The following SYTL5 variants were observed in gnomAD, a reference collection of about 807,000 sequenced individuals.
SYTL5 encodes synaptotagmin like 5.
SYTL5 carries 34 observed loss-of-function variants against 55.9 expected under a neutral mutation model. The ratio of observed to expected loss-of-function variants is 0.61; its 90% CI spans 0.46 to 0.81. The LOEUF is 0.81. SYTL5 is among the 30% of genes least tolerant of loss of function. SYTL5 has a pLI of 0.00. For missense variants in SYTL5, 637 were observed against 546.7 expected (o/e 1.17, Z -1.65); for synonymous variants, 221 against 188.7 (o/e 1.17, Z -1.40).
chrX:38,114,968 G>A (rs1288253859), intron 13 of SYTL5, among the ~76,000 whole-genome samples: 1 of 111,540 alleles, frequency 9.0e-6, no homozygotes, highest in African/African-American at 3.3e-5. Context: ...ATCTTTCTGT[G>A]CCTGGCTTAT....
chrX:37,968,517 A>G, the SYTL5 span, among the ~76,000 whole-genome samples: 1 of 111,696 alleles, frequency 9.0e-6, no homozygotes, highest in Non-Finnish European at 1.9e-5. Context: ...AGGGGCACCC[A>G]TGTAAAAAGG....
At chrX:38,014,968 G>GCCT (rs1185466668) in intron 1 of SYTL5, among the ~76,000 whole-genome samples, 3 of 111,990 alleles carry the variant, frequency 2.7e-5, no homozygotes, top group Non-Finnish European at 5.6e-5. Context: ...TGGGAGGCAG[G>GCCT]TTTGCCCAAT....
At chrX:37,989,551 A>G in the SYTL5 span, among the ~76,000 whole-genome samples, 1 of 111,882 alleles carries the variant, frequency 8.9e-6, no homozygotes. Context: ...CATCAAAGGG[A>G]GGAGTCTCAA....
intron 13 of SYTL5, among the ~76,000 whole-genome samples, chrX:38,112,202 A>C (rs1030096864): frequency 4.5e-5 from 5 of 111,736 alleles, no homozygotes; most frequent in African/African-American, 6.5e-5. Flanking sequence ...TCTCTTTAGA[A>C]GACTTCCCTC....
chrX:37,991,425 T>C, the SYTL5 span: 6 of 532,724 alleles, frequency 1.1e-5, no homozygotes, highest in Non-Finnish European at 1.7e-5. Flanking sequence ...GTGGCCAGTG[T>C]GGTGTTTGAA....
chrX:38,073,058 C>G (rs1936306451), intron 4 of SYTL5, among the ~76,000 whole-genome samples: 1 of 111,456 alleles, frequency 9.0e-6, no homozygotes, highest in Non-Finnish European at 1.9e-5. Context: ...CACACAGATC[C>G]GATACTACAG....
At chrX:38,120,780 G>T (rs933446203) in intron 14 of SYTL5, among the ~76,000 whole-genome samples, 1 of 110,450 alleles carries the variant, frequency 9.1e-6, no homozygotes, top group African/African-American at 3.3e-5. Context: ...GCAAGTATAG[G>T]AAACTGCTCC....
At chrX:37,965,884 GACTT>G in the SYTL5 span, among the ~76,000 whole-genome samples, 9 of 112,107 alleles carry the variant, frequency 8.0e-5, no homozygotes, top group African/African-American at 2.9e-4. Flanking sequence ...GACAGTTTAT[GACTT>G]ACTATTTTGT....
At chrX:37,995,522 T>C in the SYTL5 span, among the ~76,000 whole-genome samples, 1 of 112,277 alleles carries the variant, frequency 8.9e-6, no homozygotes, top group Non-Finnish European at 1.9e-5. Flanking sequence ...TGGAGAGCTA[T>C]AGAGCATTCC....
chrX:38,108,455 T>C, intron 11 of SYTL5, 145 bp from the exon 12 acceptor site: 1 of 419,751 alleles, frequency 2.4e-6, no homozygotes, highest in Non-Finnish European at 4.3e-6. Context: ...TATTTTAAGG[T>C]ATCCTGTTAT....
At chrX:37,921,428 A>G in the SYTL5 span, among the ~76,000 whole-genome samples, 1 of 111,233 alleles carries the variant, frequency 9.0e-6, no homozygotes, top group Admixed American at 9.6e-5. Context: ...GCTACCAAGA[A>G]TCCCACAACA....
chrX:38,002,453 A>G (rs765964792), upstream of SYTL5, among the ~76,000 whole-genome samples: 1 of 111,997 alleles, frequency 8.9e-6, no homozygotes, highest in South Asian at 3.8e-4. Context: ...GACTTCCACA[A>G]TGGTTGAACT....
chrX:38,029,342 A>G (rs946045209), intron 1 of SYTL5, among the ~76,000 whole-genome samples: 1 of 112,386 alleles, frequency 8.9e-6, no homozygotes, highest in Non-Finnish European at 1.9e-5. Flanking sequence ...TTCTTATAAT[A>G]TTTTACCAAA....
intron 15 of SYTL5, 116 bp downstream of exon 15, chrX:38,122,331 G>A (rs1395973627): frequency 1.7e-6 from 1 of 571,588 alleles, no homozygotes; most frequent in East Asian, 3.7e-5. Context: ...AAGTGTATGG[G>A]TGAGAACTAC....
the SYTL5 span, among the ~76,000 whole-genome samples, chrX:37,910,215 G>A: frequency 9.0e-6 from 1 of 111,551 alleles, no homozygotes. Flanking sequence ...CAAGATCAAG[G>A]GTTGGTTGAT....
At chrX:37,973,307 A>T in the SYTL5 span, among the ~76,000 whole-genome samples, 45,142 of 110,045 alleles carry the variant, frequency 0.41, 7,084 homozygotes, top group East Asian at 0.56. Flanking sequence ...TAAGAAAAAA[A>T]ATCAGAGCGT....
intron 6 of SYTL5, among the ~76,000 whole-genome samples, chrX:38,087,935 T>C (rs1447142158): frequency 2.7e-5 from 3 of 111,677 alleles, no homozygotes; most frequent in East Asian, 2.8e-4. Flanking sequence ...TGCATACATG[T>C]ATGGAATAAT....
rs1387411620 is a variant in SYTL5 at position 38,126,582 on chromosome X, C to CT, written c.2051-4dup. On this transcript the variant is annotated splice_polypyrimidine_tract_variant and splice_region_variant and intron_variant, in intron 16 of 16. Coordinates refer to ENST00000297875, the MANE Select transcript of SYTL5 (RefSeq NM_138780.3). ...GACATAAAATTTTCCCGTTTCGCCTCTTCAGGTGTGAGCCATGGGAAGAAC... is the reference window on the plus strand; with the variant it reads ...GACATAAAATTTTCCCGTTTCGCCTCTTTCAGGTGTGAGCCATGGGAAGAAC... 2.5e-6 allele frequency: 3 copies of CT among 1,209,625 alleles called. No homozygotes were observed. The East Asian group carries it at 8.9e-5, about 36-fold the overall frequency.
chrX:38,048,635 C>A (rs951945489), intron 2 of SYTL5, among the ~76,000 whole-genome samples: 2 of 110,145 alleles, frequency 1.8e-5, no homozygotes, highest in African/African-American at 6.6e-5. Context: ...TAGCAGAGAA[C>A]AGAAGAGAAA....
Sources: gnomAD v4.1 joint callset for allele counts (sites outside exome capture counted in the v4.1 genomes callset) on GRCh38, gnomAD v4.1.1 for gene constraint, MANE v1.5 for transcripts, NCBI Gene and HGNC (gene_info 2026-07-23, HGNC 2026-07-21) for gene names.